ATAD2B: variants seen among roughly 807,000 people sequenced by gnomAD.
ATAD2B encodes ATPase family AAA domain containing 2B.
In ATAD2B, 40 loss-of-function variants were observed where a neutral mutation model predicts 167.6. The observed-to-expected ratio is 0.24, with a 90% confidence interval of 0.19 to 0.31. The LOEUF (loss-of-function observed/expected upper bound fraction) is 0.31. Ranked by LOEUF, ATAD2B falls within the 10% of genes least tolerant of loss-of-function variation. The probability of loss-of-function intolerance (pLI) is 1.00; values close to 1 mark genes in which losing one functional copy is unlikely to be tolerated. For missense variants in ATAD2B, 1,242 were observed against 1,757.2 expected (o/e 0.71, Z 5.24); for synonymous variants, 579 against 596.5 (o/e 0.97, Z 0.43).
the ATAD2B span, among the ~76,000 whole-genome samples, chr2:23,706,266 C>T: frequency 2.4e-3 from 361 of 152,266 alleles, 2 homozygotes; most frequent in African/African-American, 8.0e-3. Context: ...TTCTGCCGCT[C>T]GCAGGGTGGC....
intron 21 of ATAD2B, 51 bp from the exon 22 acceptor site, chr2:23,783,079 A>C: frequency 2.1e-6 from 2 of 968,402 alleles, no homozygotes; most frequent in Non-Finnish European, 2.9e-6. Flanking sequence ...ACATCATCTC[A>C]GTTCATAAAA....
At chr2:23,693,316 G>C in the ATAD2B span, 2 of 1,549,772 alleles carry the variant, frequency 1.3e-6, no homozygotes, top group Non-Finnish European at 1.7e-6. Context: ...GGCCATGGCC[G>C]AGGCCATGCA....
intron 22 of ATAD2B, among the ~76,000 whole-genome samples, chr2:23,766,243 G>A (rs1038677271): frequency 2.6e-5 from 4 of 152,040 alleles, no homozygotes; most frequent in African/African-American, 4.8e-5. Context: ...ACTAAAAGAG[G>A]AGCCTCTGCT....
chr2:23,914,038 G>A (rs918211766), intron 1 of ATAD2B, among the ~76,000 whole-genome samples: 4 of 152,084 alleles, frequency 2.6e-5, no homozygotes, highest in Non-Finnish European at 5.9e-5. Context: ...CGAGGCCAGG[G>A]CAGGAGTTCA....
At chr2:23,693,966 C>T in the ATAD2B span, among the ~76,000 whole-genome samples, 3 of 152,324 alleles carry the variant, frequency 2.0e-5, no homozygotes, top group Non-Finnish European at 4.4e-5. Context: ...AGAGGGCTCC[C>T]GCCCCAGATC....
At chr2:23,896,434 T>G (rs1573321402) in intron 1 of ATAD2B, among the ~76,000 whole-genome samples, 1 of 152,322 alleles carries the variant, frequency 6.6e-6, no homozygotes, top group Admixed American at 6.5e-5. Context: ...TCTGTAAATA[T>G]AAAAACAAGA....
chr2:23,719,652 C>T, the ATAD2B span, among the ~76,000 whole-genome samples: 8 of 152,076 alleles, frequency 5.3e-5, no homozygotes, highest in Admixed American at 2.0e-4. Flanking sequence ...GCACCAAGCA[C>T]GTGGAAAACT....
downstream of ATAD2B, among the ~76,000 whole-genome samples, chr2:23,745,002 G>A (rs1674752153): frequency 1.3e-5 from 2 of 152,068 alleles, no homozygotes; most frequent in African/African-American, 2.4e-5. Flanking sequence ...AGAAAAACTT[G>A]AGGCCAGGCA....
At chr2:23,789,949 G>A (rs1478480241) in intron 19 of ATAD2B, among the ~76,000 whole-genome samples, 2 of 152,074 alleles carry the variant, frequency 1.3e-5, no homozygotes, top group African/African-American at 4.8e-5. Flanking sequence ...AACAATGAAA[G>A]GTAAACATCA....
At chr2:23,827,171 T>C (rs927766439) in intron 15 of ATAD2B, among the ~76,000 whole-genome samples, 2 of 152,234 alleles carry the variant, frequency 1.3e-5, no homozygotes, top group Admixed American at 1.3e-4. Flanking sequence ...GATTTTTATG[T>C]CACTGTCCAG....
intron 21 of ATAD2B, among the ~76,000 whole-genome samples, chr2:23,785,407 C>T (rs948830977): frequency 2.0e-5 from 3 of 152,096 alleles, no homozygotes; most frequent in African/African-American, 7.2e-5. Flanking sequence ...GTATTAGATT[C>T]CCAAATGGAA....
At chr2:23,872,390 C>T (rs1339513889) in intron 8 of ATAD2B, 2 of 689,242 alleles carry the variant, frequency 2.9e-6, no homozygotes, top group East Asian at 3.0e-5. Flanking sequence ...AGGTTCAGCT[C>T]CATGACAGCC....
At chr2:23,696,230 C>A in the ATAD2B span, 1 of 1,489,862 alleles carries the variant, frequency 6.7e-7, no homozygotes, top group Non-Finnish European at 9.1e-7. This position sits in a 1 kb window ranked among gnomAD's most constrained non-coding sequence, Gnocchi z 5.5. Context: ...CCAGAAGTGT[C>A]TACTTTGCAG....
intron 18 of ATAD2B, chr2:23,808,887 G>C (rs1018146406): frequency 6.6e-6 from 1 of 152,066 alleles, no homozygotes; most frequent in Non-Finnish European, 1.5e-5. Context: ...ATGTGATATT[G>C]TTGATTTTGC....
At chr2:23,925,916 C>T (rs1704704380) in intron 1 of ATAD2B, among the ~76,000 whole-genome samples, 1 of 152,200 alleles carries the variant, frequency 6.6e-6, no homozygotes, top group Non-Finnish European at 1.5e-5. Context: ...TTCCTACTAG[C>T]ACCTTGGTGA....
intron 4 of ATAD2B, among the ~76,000 whole-genome samples, chr2:23,886,800 G>A (rs548036787): frequency 2.6e-5 from 4 of 151,980 alleles, no homozygotes; most frequent in South Asian, 4.2e-4. Context: ...GCATGGTGAC[G>A]GACACCTGTA....
the ATAD2B span, among the ~76,000 whole-genome samples, chr2:23,683,014 A>C: frequency 2.0e-5 from 3 of 152,168 alleles, no homozygotes; most frequent in East Asian, 3.9e-4. Flanking sequence ...GTGTGTCCTC[A>C]CCAAAAAGGG....
At chr2:23,865,901 A>T in intron 10 of ATAD2B, 5 of 764,552 alleles carry the variant, frequency 6.5e-6, no homozygotes, top group Non-Finnish European at 8.0e-6. Context: ...CAGACAAAAA[A>T]TGCTTTAAGA....
At chr2:23,682,469 C>T in the ATAD2B span, among the ~76,000 whole-genome samples, 1 of 152,332 alleles carries the variant, frequency 6.6e-6, no homozygotes, top group East Asian at 1.9e-4. The surrounding 1 kb of genome is among the most constrained non-coding windows in gnomAD (Gnocchi z 4.1). Context: ...ACTCCCCATC[C>T]TGCCTCTGTG....
Sources: allele counts gnomAD v4.1 joint callset (sites outside exome capture counted in the v4.1 genomes callset), GRCh38; gene constraint gnomAD v4.1.1; non-coding constraint Gnocchi (gnomAD v3.1); transcripts MANE v1.5; gene names NCBI Gene and HGNC (gene_info 2026-07-23, HGNC 2026-07-21).